GAB1: variants seen among roughly 807,000 people sequenced by gnomAD.
The protein encoded by GAB1 is GRB2 associated binding protein 1.
GAB1 carries 19 observed loss-of-function variants against 66.5 expected under a neutral mutation model. The observed-to-expected ratio is 0.29, with a 90% CI of 0.20 to 0.42. The LOEUF (loss-of-function observed/expected upper bound fraction) is 0.42, where lower values mean the gene tolerates loss of function less well. Ranked by LOEUF, GAB1 falls within the 10% of genes least tolerant of loss-of-function variation. The pLI is 1.00. For missense variants in GAB1, 732 were observed against 858.5 expected (o/e 0.85, Z 1.84); for synonymous variants, 294 against 301.4 (o/e 0.98, Z 0.25).
chr4:143,361,465 A>T (rs1463395367), intron 1 of GAB1, among the ~76,000 whole-genome samples: 1 of 152,208 alleles, frequency 6.6e-6, no homozygotes, highest in Non-Finnish European at 1.5e-5. Flanking sequence ...AGTATCAGTC[A>T]GGATTCTCAG....
rs1022412156 is a variant in GAB1, at chr4:143,415,842, T to C, written c.367+71T>C. 3 of 1,207,604 alleles carry C rather than the reference T, an allele frequency of 2.5e-6. No homozygotes were observed. In the African/African-American group the frequency reaches 4.6e-5, roughly 19 times the overall value. 74.8% of individuals were successfully genotyped at this position (1,207,604 alleles called of 1,614,324 possible). On this transcript the variant is annotated intron_variant, in intron 2 of 9. Transcript: ENST00000262994. ...TACATTTCCAGAAATGTCATACAATTCTTTGTTATTTTAGTTACACAATAT... is the reference window on the plus strand; with the variant it reads ...TACATTTCCAGAAATGTCATACAATCCTTTGTTATTTTAGTTACACAATAT...
intron 2 of GAB1, among the ~76,000 whole-genome samples, chr4:143,432,004 C>CT (rs1326763932): frequency 6.6e-6 from 1 of 152,116 alleles, no homozygotes; most frequent in Admixed American, 6.5e-5. Context: ...GAAAAGACAG[C>CT]TTAAATGCAA....
intron 2 of GAB1, chr4:143,425,250 G>T (rs183255772): frequency 7.2e-6 from 7 of 966,706 alleles, no homozygotes; most frequent in Middle Eastern, 5.0e-4. Context: ...CATTGTTGCC[G>T]TTGAAAACCC....
chr4:143,372,981 T>C (rs1166124864), intron 1 of GAB1, among the ~76,000 whole-genome samples: 1 of 152,182 alleles, frequency 6.6e-6, no homozygotes, highest in Non-Finnish European at 1.5e-5. Context: ...TATTAGACTA[T>C]TTCTTCCCTT....
chr4:143,434,544 C>A (rs1023631367), intron 3 of GAB1, among the ~76,000 whole-genome samples: 1 of 151,756 alleles, frequency 6.6e-6, no homozygotes, highest in East Asian at 1.9e-4. Flanking sequence ...TTTGTAGTGA[C>A]GAGGTCTCAC....
intron 1 of GAB1, among the ~76,000 whole-genome samples, chr4:143,402,460 C>G (rs1411702739): frequency 6.6e-6 from 1 of 152,140 alleles, no homozygotes; most frequent in Non-Finnish European, 1.5e-5. Context: ...GACTTCTGGT[C>G]TCCTTTTCTC....
rs991279585 is a variant in GAB1 at position 143,353,842 on chromosome 4, C to G, written c.72+16582C>G. Among the ~76,000 whole-genome samples the G allele has an allele frequency of 5.9e-5, 9 of 152,324 alleles. No homozygotes were observed. In the South Asian group the frequency reaches 1.9e-3, roughly 32 times the overall value. ...GGTTGTACTTTAGAACTTTTCACCA[C>G]TATAGTATATTAACTAGCTTGCTAA... On this transcript the variant is annotated intron_variant, in intron 1 of 9. Transcript: ENST00000262994.
intron 1 of GAB1, among the ~76,000 whole-genome samples, chr4:143,355,876 G>C (rs1388697288): frequency 3.9e-5 from 6 of 152,054 alleles, no homozygotes; most frequent in Non-Finnish European, 8.8e-5. Context: ...TTAAGTTTAT[G>C]ATACTGGATC....
At chr4:143,397,119 A>G (rs1731490886) in intron 1 of GAB1, among the ~76,000 whole-genome samples, 1 of 152,136 alleles carries the variant, frequency 6.6e-6, no homozygotes. Context: ...AGCACCTACT[A>G]TTTCATCTAA....
intron 1 of GAB1, chr4:143,350,206 C>T (rs1581215255): frequency 1.6e-6 from 1 of 612,724 alleles, no homozygotes; most frequent in East Asian, 2.7e-5. Flanking sequence ...GGGCCCCAAG[C>T]ACTGTGCCTT....
intron 6 of GAB1, among the ~76,000 whole-genome samples, chr4:143,446,708 G>C (rs964969240): frequency 3.3e-5 from 5 of 152,126 alleles, no homozygotes; most frequent in Non-Finnish European, 7.4e-5. Context: ...TTTGCCAGAT[G>C]AGTAGGTTGC....
chr4:143,401,583 G>A (rs920597744), intron 1 of GAB1, among the ~76,000 whole-genome samples: 7 of 152,158 alleles, frequency 4.6e-5, no homozygotes, highest in African/African-American at 1.7e-4. Context: ...GTTTCAGGAA[G>A]CATTTCAGTT....
At chr4:143,338,209 T>G (rs954686959) in intron 1 of GAB1, among the ~76,000 whole-genome samples, 14 of 152,248 alleles carry the variant, frequency 9.2e-5, no homozygotes, top group African/African-American at 3.4e-4. Flanking sequence ...CCCCATTGGT[T>G]GTTTTGTTGC....
At chr4:143,445,611 T>C (rs759434414) in intron 6 of GAB1, among the ~76,000 whole-genome samples, 1 of 152,068 alleles carries the variant, frequency 6.6e-6, no homozygotes, top group Non-Finnish European at 1.5e-5. Context: ...CACTTCTCAA[T>C]TTCCGGTTTG....
intron 1 of GAB1, among the ~76,000 whole-genome samples, chr4:143,390,310 T>G (rs565106881): frequency 6.6e-6 from 1 of 152,256 alleles, no homozygotes; most frequent in African/African-American, 2.4e-5. Context: ...TTATATCCCT[T>G]AATTTTGAGC....
intron 1 of GAB1, among the ~76,000 whole-genome samples, chr4:143,406,430 G>T (rs576492213): frequency 1.3e-5 from 2 of 152,148 alleles, no homozygotes; most frequent in Non-Finnish European, 2.9e-5. Flanking sequence ...CTCTGCCTCC[G>T]CAAGTTCTTA....
intron 1 of GAB1, among the ~76,000 whole-genome samples, chr4:143,383,616 A>T (rs191386403): frequency 6.6e-6 from 1 of 152,168 alleles, no homozygotes; most frequent in Non-Finnish European, 1.5e-5. Flanking sequence ...ATATATAGTT[A>T]TTCTTTTGTA....
chr4:143,461,174 C>T (rs1027277345), intron 8 of GAB1, among the ~76,000 whole-genome samples: 1 of 152,104 alleles, frequency 6.6e-6, no homozygotes, highest in African/African-American at 2.4e-5. Flanking sequence ...AAATATTTTG[C>T]TTTAGCTTTT....
chr4:143,422,044 CT>C (rs1188063274), intron 2 of GAB1, among the ~76,000 whole-genome samples: 1 of 152,112 alleles, frequency 6.6e-6, no homozygotes, highest in African/African-American at 2.4e-5. Context: ...AAAATTGCAA[CT>C]ACTGCTATGT....
Sources: allele counts gnomAD v4.1 joint callset (sites outside exome capture counted in the v4.1 genomes callset), GRCh38; gene constraint gnomAD v4.1.1; transcripts MANE v1.5; gene names NCBI Gene and HGNC (gene_info 2026-07-23, HGNC 2026-07-21).